The following PPM1B variants were observed in gnomAD, a reference collection of about 807,000 sequenced individuals.
PPM1B encodes protein phosphatase 1B.
A neutral mutation model predicts 43.0 loss-of-function variants in PPM1B; 22 were observed. The observed-to-expected ratio is 0.51, with a 90% CI of 0.37 to 0.73. The LOEUF (loss-of-function observed/expected upper bound fraction) is 0.73, where lower values mean the gene tolerates loss of function less well. Ranked by LOEUF, PPM1B falls within the 30% of genes least tolerant of loss-of-function variation. PPM1B has a pLI of 0.00. For synonymous variants in PPM1B, 217 were observed against 197.9 expected (o/e 1.10, Z -0.81); for missense variants, 632 against 584.2 (o/e 1.08, Z -0.84).
At chr2:44,228,013 C>T (rs1478321717) in intron 5 of PPM1B, among the ~76,000 whole-genome samples, 40 of 148,770 alleles carry the variant, frequency 2.7e-4, no homozygotes, top group African/African-American at 9.9e-4. Flanking sequence ...CCTCCGCCCT[C>T]CGAGTTCAAG....
intron 3 of PPM1B, among the ~76,000 whole-genome samples, chr2:44,214,846 A>G (rs747261298): frequency 1.3e-5 from 2 of 152,224 alleles, no homozygotes; most frequent in Non-Finnish European, 2.9e-5. Flanking sequence ...TGGTCCAAGC[A>G]AAGAGTTTTT....
At chr2:44,223,403 T>C (rs185116610) in intron 5 of PPM1B, among the ~76,000 whole-genome samples, 6 of 152,328 alleles carry the variant, frequency 3.9e-5, no homozygotes, top group Non-Finnish European at 7.3e-5. Context: ...GCAATACCCA[T>C]AGCTGCTTTT....
chr2:44,202,005 A>C lies in PPM1B; in HGVS notation c.806A>C (p.Glu269Ala). ...AGGCTTGAGGTATCTGATGACCTGG[A>C]AAATGTGTGCAATTGGGTAGTGGAC... ...KSRLEVSDDL[E>A]NVCNWVVDTC... is the part of the protein sequence containing the mutation. Residue 269 changes from glutamate to alanine, a missense_variant, in exon 2 of 6, where the codon GAA becomes GCA. Glu to Ala is a moderately radical substitution (Grantham distance 107). Transcript: ENST00000282412. The C allele has an allele frequency of 7.5e-6, 12 of 1,609,292 alleles. No individual in the cohort carries two copies. The highest frequency in any genetic ancestry group is 1.0e-5 in the Non-Finnish European group (12 of 1,177,494).
chr2:44,182,833 A>AT (rs1667948520), intron 1 of PPM1B, among the ~76,000 whole-genome samples: 1 of 151,826 alleles, frequency 6.6e-6, no homozygotes, highest in Non-Finnish European at 1.5e-5. Context: ...GTATGTGTGG[A>AT]TTTTTTTGTA....
chr2:44,221,697 G>A (rs1669982976), intron 5 of PPM1B, among the ~76,000 whole-genome samples: 1 of 152,130 alleles, frequency 6.6e-6, no homozygotes, highest in Non-Finnish European at 1.5e-5. Context: ...ATGTCGGAGA[G>A]AATTGTTCTG....
intron 5 of PPM1B, among the ~76,000 whole-genome samples, chr2:44,229,130 C>T (rs577792596): frequency 3.3e-5 from 5 of 150,440 alleles, no homozygotes; most frequent in East Asian, 1.9e-4. Flanking sequence ...TGTGGTGAGC[C>T]GAGAACATGC....
chr2:44,226,971 TATGAATGA>T lies in PPM1B; in HGVS notation c.1135-3425_1135-3418del, dbSNP rs151051302. On this transcript the variant is annotated intron_variant, in intron 5 of 5. Transcript: ENST00000282412. ...TTATTTATTTATTTATTTATTTATT[TATGAATGA>T]ATGAATGAATGAATGACAGGGTCTT... Among the ~76,000 whole-genome samples, 522 of 142,530 alleles carry T rather than the reference TATGAATGA, an allele frequency of 3.7e-3. 4 individuals are homozygous for T. Among genetic ancestry groups the T allele is most frequent in the Middle Eastern group, 0.022 (6 of 272 alleles). The allele number at this position is 142,530 out of a possible 152,430, so 93.5% of individuals were successfully genotyped here. A position where few individuals can be genotyped will look rare whatever the true frequency, so the allele number is the denominator to read the frequency against.
At chr2:44,186,475 C>T (rs944823828) in intron 1 of PPM1B, among the ~76,000 whole-genome samples, 1 of 152,148 alleles carries the variant, frequency 6.6e-6, no homozygotes, top group Non-Finnish European at 1.5e-5. Context: ...CTCAAGCAAT[C>T]CTCCCGCCTC....
chr2:44,189,323 C>G (rs1210926874), intron 1 of PPM1B, among the ~76,000 whole-genome samples: 1 of 152,216 alleles, frequency 6.6e-6, no homozygotes, highest in Non-Finnish European at 1.5e-5. Flanking sequence ...CGATGGTTCT[C>G]TATAACTTAG....
chr2:44,203,696 A>G (rs1669045051), intron 2 of PPM1B, among the ~76,000 whole-genome samples: 1 of 152,178 alleles, frequency 6.6e-6, no homozygotes, highest in African/African-American at 2.4e-5. Flanking sequence ...AATATATTGT[A>G]GAGAGATCTC....
At chr2:44,194,650 G>A (rs949588955) in intron 1 of PPM1B, among the ~76,000 whole-genome samples, 42 of 151,952 alleles carry the variant, frequency 2.8e-4, no homozygotes, top group African/African-American at 1.0e-3. Context: ...GTGAACCTGG[G>A]AGGCGGAGCT....
At chr2:44,216,105 T>C (rs1196981170) in intron 3 of PPM1B, among the ~76,000 whole-genome samples, 3 of 152,208 alleles carry the variant, frequency 2.0e-5, no homozygotes, top group Non-Finnish European at 2.9e-5. Context: ...ACAAGAGTGA[T>C]TTGTTCTTTT....
Position 44,218,017 on chromosome 2 carries a change from A to G in PPM1B, c.1015A>G (p.Met339Val), listed in dbSNP as rs761929900. The G allele has an allele frequency of 3.1e-6, 5 of 1,612,542 alleles. No homozygotes were observed. Among genetic ancestry groups the G allele is most frequent in the South Asian group, 2.2e-5 (2 of 90,702 alleles). The change falls in exon 4 of 6, where the codon ATG becomes GTG. Residue 339 changes from methionine (M) to valine (V), a missense_variant. Transcript: ENST00000282412. ...AGGAATGCCTGATCTTGCCCATGTC[A>G]TGCGCATCTTGTCTGCAGAAAATAT... ...EEGMPDLAHVMRILSAENIPN... is the reference protein window; with the variant it reads ...EEGMPDLAHVVRILSAENIPN...
At chr2:44,171,863 A>G (rs1667364788) in intron 1 of PPM1B, among the ~76,000 whole-genome samples, 1 of 150,006 alleles carries the variant, frequency 6.7e-6, no homozygotes, top group Non-Finnish European at 1.5e-5. Context: ...GCTGTATTTC[A>G]TGAATATTTT....
chr2:44,231,791 G>A (rs7566902), downstream of PPM1B, among the ~76,000 whole-genome samples: 36,694 of 151,922 alleles, frequency 0.24, 5,391 homozygotes, highest in African/African-American at 0.42. Context: ...ACAAATTTTT[G>A]TTAGTTATTA....
chr2:44,236,418 A>AAAAAAAAAAAAAAAAAAAAAAAAAAAAAT (rs1267869126), downstream of PPM1B, among the ~76,000 whole-genome samples: 1 of 149,116 alleles, frequency 6.7e-6, no homozygotes, highest in Non-Finnish European at 1.5e-5. Flanking sequence ...AAAAAAAAAA[A>AAAAAAAAAAAAAAAAAAAAAAAAAAAAAT]AAAAAAAAAG....
intron 1 of PPM1B, among the ~76,000 whole-genome samples, chr2:44,188,723 CTTCCTTCCTTCCTTCT>C (rs1199399222): frequency 1.4e-5 from 2 of 142,258 alleles, no homozygotes; most frequent in Non-Finnish European, 3.2e-5. Flanking sequence ...GCTTTCCTTC[CTTCCTTCCTTCCTTCT>C]TTCCTTCCTT....
At chr2:44,180,604 T>G (rs1667827955) in intron 1 of PPM1B, among the ~76,000 whole-genome samples, 1 of 152,182 alleles carries the variant, frequency 6.6e-6, no homozygotes, top group African/African-American at 2.4e-5. Context: ...AGAAGGATCT[T>G]TTTAAATTAC....
At chr2:44,229,770 C>A (rs924862574) in intron 5 of PPM1B, among the ~76,000 whole-genome samples, 3 of 152,086 alleles carry the variant, frequency 2.0e-5, no homozygotes, top group Admixed American at 2.0e-4. Flanking sequence ...TAAGTAGTTA[C>A]TATTGTAGAA....
Sources: allele counts gnomAD v4.1 joint callset (sites outside exome capture counted in the v4.1 genomes callset), GRCh38; gene constraint gnomAD v4.1.1; transcripts MANE v1.5; gene names NCBI Gene and HGNC (gene_info 2026-07-23, HGNC 2026-07-21).